The following KCNMB2 variants were observed in gnomAD, a reference collection of about 807,000 sequenced individuals.
The protein encoded by KCNMB2 is potassium calcium-activated channel subfamily M regulatory beta subunit 2, also known as calcium-activated potassium channel subunit beta-2.
Under a neutral mutation model 24.5 loss-of-function variants are expected in KCNMB2, and 9 were observed. The observed-to-expected ratio is 0.37, with a 90% CI of 0.22 to 0.64. The LOEUF is 0.64. Among genes scored for constraint, KCNMB2 ranks in the 30% least tolerant of loss-of-function variants. KCNMB2 has a pLI of 0.63. For synonymous variants in KCNMB2, 109 were observed against 104.4 expected (o/e 1.04, Z -0.27); for missense variants, 226 against 284.3 (o/e 0.79, Z 1.47).
chr3:178,815,500 T>G (rs1331679550), intron 2 of KCNMB2, among the ~76,000 whole-genome samples: 1 of 152,206 alleles, frequency 6.6e-6, no homozygotes, highest in Non-Finnish European at 1.5e-5. Context: ...GAATACGCTT[T>G]TATTTCTTCT....
At chr3:178,613,865 C>T (rs1406481793) in intron 1 of KCNMB2, among the ~76,000 whole-genome samples, 1 of 152,048 alleles carries the variant, frequency 6.6e-6, no homozygotes, top group Non-Finnish European at 1.5e-5. Flanking sequence ...ATATCTTTCT[C>T]TAGGTTTGGG....
chr3:178,580,521 A>G (rs771223141), intron 1 of KCNMB2, among the ~76,000 whole-genome samples: 1 of 152,210 alleles, frequency 6.6e-6, no homozygotes, highest in Non-Finnish European at 1.5e-5. Context: ...GGCCAGGGCA[A>G]TCAGGCAAGA....
At chr3:178,596,991 G>A (rs560760066) in intron 1 of KCNMB2, among the ~76,000 whole-genome samples, 76 of 152,212 alleles carry the variant, frequency 5.0e-4, no homozygotes, top group African/African-American at 1.8e-3. Context: ...AACAGGGTGG[G>A]TGGAGTTTCC....
rs545169677 is a variant in KCNMB2 at position 178,626,754 on chromosome 3, C to A, written c.-68+90043C>A. ...CATGGAGATTATGAGGATTAGAATT[C>A]AAGATGAGATTTGGGTGGGGACACA... On this transcript the variant is annotated intron_variant, in intron 1 of 4. Coordinates refer to ENST00000452583, the MANE Select transcript of KCNMB2 (RefSeq NM_181361.3). Among the ~76,000 whole-genome samples the A allele has an allele frequency of 6.6e-5, 10 of 151,996 alleles. No individual in the cohort carries two copies. The South Asian group carries it at 2.1e-3, about 32-fold the overall frequency.
chr3:178,554,428 C>T (rs1333535112), intron 1 of KCNMB2, among the ~76,000 whole-genome samples: 8 of 152,142 alleles, frequency 5.3e-5, no homozygotes, highest in Non-Finnish European at 1.2e-4. Context: ...CAGAATTGAA[C>T]TTCAAATCAC....
intron 1 of KCNMB2, among the ~76,000 whole-genome samples, chr3:178,663,377 G>T (rs1301057884): frequency 1.3e-5 from 2 of 152,132 alleles, no homozygotes; most frequent in African/African-American, 2.4e-5. Context: ...CTGAAGAACT[G>T]TAAATTCATA....
intron 1 of KCNMB2, among the ~76,000 whole-genome samples, chr3:178,710,379 C>A (rs769653574): frequency 2.6e-5 from 4 of 152,168 alleles, no homozygotes; most frequent in African/African-American, 9.6e-5. Context: ...ATATTCAAAC[C>A]GGGGAAAGGA....
intron 2 of KCNMB2, among the ~76,000 whole-genome samples, chr3:178,819,613 G>A (rs910422299): frequency 5.3e-5 from 8 of 151,470 alleles, no homozygotes; most frequent in East Asian, 1.9e-4. Flanking sequence ...GCCAGACTTC[G>A]TGTTTCACTG....
At chr3:178,729,847 G>C (rs1291672509) in intron 1 of KCNMB2, among the ~76,000 whole-genome samples, 1 of 152,144 alleles carries the variant, frequency 6.6e-6, no homozygotes, top group Admixed American at 6.5e-5. Context: ...TCATGGGCTA[G>C]ATTATGCTGC....
chr3:178,825,998 T>C (rs1406895930), intron 3 of KCNMB2, among the ~76,000 whole-genome samples: 2 of 152,186 alleles, frequency 1.3e-5, no homozygotes, highest in Non-Finnish European at 2.9e-5. Flanking sequence ...AATTACTCTA[T>C]AAGGTAAGTA....
rs78462379 is a variant in KCNMB2 at position 178,642,053 on chromosome 3, A to G, written c.-68+105342A>G. On this transcript the variant is annotated intron_variant, in intron 1 of 4. Coordinates refer to ENST00000452583, the MANE Select transcript of KCNMB2 (RefSeq NM_181361.3). ...ATTTTGCCCCCAGGTAAAATAAATT[A>G]CTGCAATCATGTGTAATAATATACA... 8.8e-3 allele frequency among the ~76,000 whole-genome samples: 1,339 copies of G among 152,292 alleles called. 20 individuals carry two copies. The highest frequency in any genetic ancestry group is 0.031 in the African/African-American group (1,291 of 41,570).
intron 1 of KCNMB2, among the ~76,000 whole-genome samples, chr3:178,655,095 C>CCTCCCT (rs1720276547): frequency 9.0e-6 from 1 of 111,086 alleles, no homozygotes; most frequent in African/African-American, 3.5e-5. Flanking sequence ...ATTAGCTCTC[C>CCTCCCT]CTCTCTCTCT....
At chr3:178,565,814 T>C (rs1716498264) in intron 1 of KCNMB2, among the ~76,000 whole-genome samples, 1 of 152,024 alleles carries the variant, frequency 6.6e-6, no homozygotes, top group Non-Finnish European at 1.5e-5. Flanking sequence ...ACAATATAAA[T>C]CTCATACAAG....
At chr3:178,702,609 C>T (rs139570892) in intron 1 of KCNMB2, among the ~76,000 whole-genome samples, 4 of 152,170 alleles carry the variant, frequency 2.6e-5, no homozygotes, top group African/African-American at 9.6e-5. Flanking sequence ...TTAATTAATG[C>T]CACTTACATT....
At chr3:178,581,073 A>G (rs1717183634) in intron 1 of KCNMB2, among the ~76,000 whole-genome samples, 1 of 152,180 alleles carries the variant, frequency 6.6e-6, no homozygotes, top group Non-Finnish European at 1.5e-5. Context: ...AACCCTTAGC[A>G]AAAGAACAAA....
At chr3:178,546,224 A>G (rs913606890) in intron 1 of KCNMB2, among the ~76,000 whole-genome samples, 1 of 152,224 alleles carries the variant, frequency 6.6e-6, no homozygotes, top group Non-Finnish European at 1.5e-5. Flanking sequence ...GAGAATGTCT[A>G]TAACAATCTG....
chr3:178,659,756 T>C (rs955378891), intron 1 of KCNMB2, among the ~76,000 whole-genome samples: 6 of 152,202 alleles, frequency 3.9e-5, no homozygotes, highest in African/African-American at 1.4e-4. Flanking sequence ...ATGAAAGTTA[T>C]GTTAATTAAA....
intron 1 of KCNMB2, among the ~76,000 whole-genome samples, chr3:178,566,617 C>T (rs950803908): frequency 1.3e-5 from 2 of 152,008 alleles, no homozygotes; most frequent in Admixed American, 1.3e-4. Context: ...TTGTTTTGAA[C>T]CCAATGTCAG....
chr3:178,711,789 T>C (rs1042367257), intron 1 of KCNMB2, among the ~76,000 whole-genome samples: 4 of 152,252 alleles, frequency 2.6e-5, no homozygotes, highest in African/African-American at 7.2e-5. Flanking sequence ...AGGCTTAACG[T>C]AGTGCAGAAA....
Sources: allele counts gnomAD v4.1 joint callset (sites outside exome capture counted in the v4.1 genomes callset), GRCh38; gene constraint gnomAD v4.1.1; transcripts MANE v1.5; gene names NCBI Gene and HGNC (gene_info 2026-07-23, HGNC 2026-07-21).